TANK: variants seen among roughly 807,000 people sequenced by gnomAD.
TANK encodes the protein TRAF family member associated NFKB activator, also known as TRAF family member-associated NF-kappa-B activator.
Under a neutral mutation model 43.6 loss-of-function variants are expected in TANK, and 15 were observed. The observed-to-expected ratio is 0.34, with a 90% confidence interval of 0.23 to 0.53. The LOEUF (loss-of-function observed/expected upper bound fraction) is 0.53. Ranked by LOEUF, TANK falls within the 20% of genes least tolerant of loss-of-function variation. The probability of loss-of-function intolerance (pLI) is 0.94; values close to 1 mark genes in which losing one functional copy is unlikely to be tolerated. For synonymous variants in TANK, 162 were observed against 178.2 expected, an observed-to-expected ratio of 0.91 and a Z score of 0.73; for missense variants, 417 against 498.6, an observed-to-expected ratio of 0.84 and a Z score of 1.56.
At chr2:161,150,117 T>C (rs990100920) in intron 1 of TANK, among the ~76,000 whole-genome samples, 5 of 152,134 alleles carry the variant, frequency 3.3e-5, no homozygotes, top group African/African-American at 9.7e-5. Context: ...ATGGCTTCTT[T>C]GTGGGGAGAT....
At chr2:161,168,242 A>G (rs942635818) in intron 1 of TANK, among the ~76,000 whole-genome samples, 5 of 152,178 alleles carry the variant, frequency 3.3e-5, no homozygotes, top group African/African-American at 1.2e-4. Context: ...ATTTCTCACT[A>G]TGAAATAAGG....
chr2:161,180,288 A>G (rs985388059), intron 2 of TANK: 2 of 219,188 alleles, frequency 9.1e-6, no homozygotes, highest in African/African-American at 4.7e-5. Flanking sequence ...TTTTACAATT[A>G]TCCCTGTACA....
chr2:161,232,629 A>C lies in TANK; in HGVS notation c.1101+1078A>C. The C allele has an allele frequency of 6.1e-6, 8 of 1,305,936 alleles. No individual in the cohort carries two copies. The South Asian group carries it at 1.5e-4, about 25-fold the overall frequency. 80.9% of individuals were successfully genotyped at this position (1,305,936 alleles called of 1,614,324 possible). A position where few individuals can be genotyped will look rare whatever the true frequency, so the allele number is the denominator to read the frequency against. On this transcript the variant is annotated intron_variant, in intron 7 of 7. Transcript: ENST00000392749. ...GCTACTAAATGAAACAAATTAAACA[A>C]TTTCATTTATTGCAAGTAGAATTCC...
At chr2:161,215,916 C>G (rs1362019532) in intron 4 of TANK, among the ~76,000 whole-genome samples, 5 of 152,082 alleles carry the variant, frequency 3.3e-5, no homozygotes. Flanking sequence ...ATGCTCTAAG[C>G]TATATATCTT....
At chr2:161,164,647 A>G (rs375147504) in intron 1 of TANK, among the ~76,000 whole-genome samples, 1 of 152,200 alleles carries the variant, frequency 6.6e-6, no homozygotes, top group African/African-American at 2.4e-5. Flanking sequence ...ACCAAGCCCT[A>G]TGCAACTGAA....
chr2:161,153,934 C>G (rs1159733184), intron 1 of TANK, among the ~76,000 whole-genome samples: 2 of 152,166 alleles, frequency 1.3e-5, no homozygotes, highest in East Asian at 3.9e-4. Context: ...ACACAGAACT[C>G]TCACTTACAA....
intron 2 of TANK, chr2:161,200,706 T>A (rs990865084): frequency 4.8e-5 from 12 of 248,764 alleles, no homozygotes; most frequent in Non-Finnish European, 4.5e-5. Context: ...TGTTTCTGTT[T>A]TTAGTGTTTC....
chr2:161,204,594 G>A (rs1686563167), intron 3 of TANK, 81 bp from the exon 4 acceptor site: 7 of 1,299,182 alleles, frequency 5.4e-6, no homozygotes, highest in Non-Finnish European at 7.5e-6. Context: ...ATGGTTTTGA[G>A]TTTGTATTAT....
At chr2:161,160,230 T>C (rs1684343230), upstream of TANK, 2 of 341,950 alleles carry the variant, frequency 5.8e-6, no homozygotes, top group African/African-American at 6.0e-5. Context: ...TTTTTTTTTC[T>C]AAGAGGCGGG....
chr2:161,176,565 T>C (rs1685182835), intron 1 of TANK, among the ~76,000 whole-genome samples: 1 of 152,194 alleles, frequency 6.6e-6, no homozygotes, highest in Non-Finnish European at 1.5e-5. Context: ...CTGTTTTTAG[T>C]GCTGCATTTA....
intron 1 of TANK, among the ~76,000 whole-genome samples, chr2:161,178,146 A>C (rs933413210): frequency 3.3e-5 from 5 of 152,126 alleles, no homozygotes; most frequent in Non-Finnish European, 7.4e-5. Flanking sequence ...ATGACTCAGC[A>C]GTTCCACTTC....
chr2:161,160,614 C>A, intron 1 of TANK, 128 bp downstream of exon 1: 1 of 761,952 alleles, frequency 1.3e-6, no homozygotes, highest in Non-Finnish European at 1.9e-6. Flanking sequence ...CGAGGAGCAG[C>A]GGAGACAACC....
intron 1 of TANK, among the ~76,000 whole-genome samples, chr2:161,154,691 T>C (rs2105234350): frequency 6.6e-6 from 1 of 152,296 alleles, no homozygotes; most frequent in Non-Finnish European, 1.5e-5. Flanking sequence ...ATCTTTATTA[T>C]GTGGACAATG....
intron 1 of TANK, chr2:161,161,078 C>A: frequency 2.4e-6 from 2 of 844,542 alleles, no homozygotes; most frequent in Non-Finnish European, 3.5e-6. Flanking sequence ...AAGCCAACCC[C>A]GCCCACAGTG....
chr2:161,219,466 A>G (rs1687248416), intron 4 of TANK, among the ~76,000 whole-genome samples: 1 of 152,178 alleles, frequency 6.6e-6, no homozygotes, highest in Non-Finnish European at 1.5e-5. Context: ...CAAGGCTCCT[A>G]GGATTTGTGT....
At chr2:161,210,794 A>T (rs983706380) in intron 4 of TANK, among the ~76,000 whole-genome samples, 4 of 152,182 alleles carry the variant, frequency 2.6e-5, no homozygotes, top group Admixed American at 2.0e-4. Context: ...AGTGAGCTTA[A>T]GATAGGCTTG....
intron 4 of TANK, chr2:161,216,513 A>G: frequency 2.4e-6 from 1 of 424,380 alleles, no homozygotes. Context: ...TTTCTTTTTG[A>G]TAAATGTTCA....
intron 1 of TANK, chr2:161,139,621 G>T: frequency 2.6e-6 from 2 of 757,396 alleles, no homozygotes; most frequent in Non-Finnish European, 1.6e-6. Context: ...ATAATAAATT[G>T]GTAGTTCAAA....
At chr2:161,185,939 A>C (rs967485930) in intron 2 of TANK, among the ~76,000 whole-genome samples, 3 of 152,206 alleles carry the variant, frequency 2.0e-5, no homozygotes, top group Non-Finnish European at 1.5e-5. Flanking sequence ...AAAAAGAAAT[A>C]TTTAAATGTT....
Sources: gnomAD v4.1 joint callset for allele counts (sites outside exome capture counted in the v4.1 genomes callset) on GRCh38, gnomAD v4.1.1 for gene constraint, MANE v1.5 for transcripts, NCBI Gene and HGNC (gene_info 2026-07-23, HGNC 2026-07-21) for gene names.